The following C16orf87 variants were observed in gnomAD, a reference collection of about 807,000 sequenced individuals.
C16orf87 encodes the protein UPF0547 protein C16orf87.
C16orf87 carries 13 observed loss-of-function variants against 21.0 expected under a neutral mutation model. That is an observed-to-expected ratio of 0.62 (90% CI 0.40 to 0.98). C16orf87 has a LOEUF of 0.98. Among genes scored for constraint, C16orf87 ranks in the 50% least tolerant of loss-of-function variants. The probability of loss-of-function intolerance (pLI) is 0.00; values close to 1 mark genes in which losing one functional copy is unlikely to be tolerated. For synonymous variants in C16orf87, 49 were observed against 60.2 expected, an observed-to-expected ratio of 0.81 and a Z score of 0.86; for missense variants, 113 against 180.4, an observed-to-expected ratio of 0.63 and a Z score of 2.14.
chr16:46,824,482 C>A lies in C16orf87; in HGVS notation c.67G>T (p.Val23Phe). The change falls in exon 2 of 4, where the codon GTT becomes TTT. Residue 23 changes from valine to phenylalanine, a missense_variant and splice_region_variant. Val to Phe is a conservative substitution (Grantham distance 50). Transcript: ENST00000285697. ...TKSCPECDQQVPVACKSCPCG... is the reference protein window; with the variant it reads ...TKSCPECDQQFPVACKSCPCG... Reference sequence around the variant, plus strand: ...GGACATGATTTACATGCAACAGGAACCTGTAGGAAAAAAAGAAAAATATAT... The same window carrying A: ...GGACATGATTTACATGCAACAGGAAACTGTAGGAAAAAAAGAAAAATATAT... 2 of 1,473,272 alleles carry A rather than the reference C, an allele frequency of 1.4e-6. No homozygotes were observed. The highest frequency in any genetic ancestry group is 2.1e-5 in the Admixed American group (1 of 47,848). 91.3% of individuals were successfully genotyped at this position (1,473,272 alleles called of 1,614,324 possible). A position where few individuals can be genotyped will look rare whatever the true frequency, so the allele number is the denominator to read the frequency against.
intron 3 of C16orf87, among the ~76,000 whole-genome samples, chr16:46,805,598 G>A (rs1967908575): frequency 6.6e-6 from 1 of 151,936 alleles, no homozygotes. Context: ...CTGTTGATTT[G>A]GTCTTAGCCT....
chr16:46,806,450 G>A (rs951248776), intron 3 of C16orf87, among the ~76,000 whole-genome samples: 10 of 151,754 alleles, frequency 6.6e-5, no homozygotes, highest in African/African-American at 2.4e-5. Context: ...TAGTAGAGAC[G>A]GGGTTTCACC....
At chr16:46,814,076 A>G (rs1001705620) in intron 2 of C16orf87, among the ~76,000 whole-genome samples, 3 of 152,230 alleles carry the variant, frequency 2.0e-5, no homozygotes, top group African/African-American at 7.2e-5. Flanking sequence ...AAAGGAAAAT[A>G]TATCTGTGGT....
chr16:46,803,219 AGT>A (rs1967828609), intron 3 of C16orf87, 149 bp from the exon 4 acceptor site: 1 of 428,894 alleles, frequency 2.3e-6, no homozygotes, highest in African/African-American at 2.0e-5. Context: ...TGAACTAAAA[AGT>A]TTTTTAAATT....
In C16orf87 at chr16:46,796,662, A is replaced by G. The variant is rs1243810446; in HGVS notation, c.*6290T>C. 1.3e-5 allele frequency: 2 copies of G among 152,224 alleles called. No individual in the cohort carries two copies. Among genetic ancestry groups the G allele is most frequent in the East Asian group, 3.8e-4 (2 of 5,204 alleles). 9.4% of individuals were successfully genotyped at this position (152,224 alleles called of 1,614,324 possible). ...ACAATGTGAACATACATATTGAAACATCATGCTGCATACAATATATGATTT... is the reference window on the plus strand; with the variant it reads ...ACAATGTGAACATACATATTGAAACGTCATGCTGCATACAATATATGATTT... On this transcript the variant is annotated 3_prime_UTR_variant, in exon 4 of 4. Transcript: ENST00000285697.
chr16:46,808,145 A>G (rs1967982264), intron 3 of C16orf87: 1 of 452,406 alleles, frequency 2.2e-6, no homozygotes, highest in South Asian at 1.6e-5. Context: ...CTATTGTTAA[A>G]GAAACATACA....
At chr16:46,816,897 T>G (rs1274028926) in intron 2 of C16orf87, among the ~76,000 whole-genome samples, 2 of 152,182 alleles carry the variant, frequency 1.3e-5, no homozygotes, top group African/African-American at 4.8e-5. Flanking sequence ...TCTTGAAATG[T>G]GTATAGGATG....
chr16:46,810,868 T>C (rs1012523740), intron 2 of C16orf87, among the ~76,000 whole-genome samples: 1 of 152,108 alleles, frequency 6.6e-6, no homozygotes, highest in Non-Finnish European at 1.5e-5. Context: ...ACAGGACAAT[T>C]TGAGCATCAA....
intron 1 of C16orf87, 121 bp downstream of exon 1, chr16:46,830,936 CCCGACCGGCCCCGGATCCCCGCCGCCG>C (rs1361057123): frequency 6.4e-6 from 3 of 467,036 alleles, no homozygotes; most frequent in Admixed American, 9.2e-5. Context: ...CTCGGTGCAG[CCCGACCGGCCCCGGATCCCCGCCGCCG>C]CCGGCGGGCC....
chr16:46,804,241 T>C (rs571971953), intron 3 of C16orf87, among the ~76,000 whole-genome samples: 3 of 152,334 alleles, frequency 2.0e-5, no homozygotes, highest in South Asian at 2.1e-4. Flanking sequence ...CAGTATGAAA[T>C]GATTGCTCTC....
At chr16:46,824,578 T>C (rs1457223720) in intron 1 of C16orf87, 96 bp from the exon 2 acceptor site, 7 of 516,682 alleles carry the variant, frequency 1.4e-5, no homozygotes, top group Non-Finnish European at 2.4e-5. Context: ...GATAAATTAC[T>C]TGAAGGAGGA....
rs1441704140 is a variant in C16orf87, at chr16:46,800,777, A to T, written c.*2175T>A. 1 of 152,212 alleles carries T rather than the reference A, an allele frequency of 6.6e-6. No individual in the cohort carries two copies. The highest frequency in any genetic ancestry group is 1.5e-5 in the Non-Finnish European group (1 of 68,038). The allele number at this position is 152,212 out of a possible 1,614,324, so 9.4% of individuals were successfully genotyped here. Reference sequence around the variant, plus strand: ...TTAAATTTTTTAGCTTTATAACAAGAAAGCTCATAGAGTACAATTTTTTGA... The same window carrying T: ...TTAAATTTTTTAGCTTTATAACAAGTAAGCTCATAGAGTACAATTTTTTGA... On this transcript the variant is annotated 3_prime_UTR_variant, in exon 4 of 4. Coordinates refer to ENST00000285697, the MANE Select transcript of C16orf87 (RefSeq NM_001001436.4).
At position 46,800,289 on chromosome 16, in the gene C16orf87, G is replaced by A. The variant is rs932429251; in HGVS notation, c.*2663C>T. ...TTCTCATCATAAACTGCTTCAAGCT[G>A]TTTGATCACTTCCACTGATTACTAC... On this transcript the variant is annotated 3_prime_UTR_variant, in exon 4 of 4. Transcript: ENST00000285697. 14 of 151,464 alleles carry A rather than the reference G, an allele frequency of 9.2e-5. No individual in the cohort carries two copies. The South Asian group carries it at 2.1e-3, about 23-fold the overall frequency. 9.4% of individuals were successfully genotyped at this position (151,464 alleles called of 1,614,324 possible).
chr16:46,812,138 G>C (rs1265762886), intron 2 of C16orf87, among the ~76,000 whole-genome samples: 1 of 152,110 alleles, frequency 6.6e-6, no homozygotes, highest in East Asian at 1.9e-4. Flanking sequence ...CAACTACTCA[G>C]GAGGCCAAGA....
chr16:46,813,880 C>A (rs746081522), intron 2 of C16orf87, among the ~76,000 whole-genome samples: 3 of 152,170 alleles, frequency 2.0e-5, no homozygotes, highest in South Asian at 2.1e-4. Context: ...ATGCTCAATG[C>A]GTCTCCTCCA....
intron 2 of C16orf87, among the ~76,000 whole-genome samples, chr16:46,821,768 C>A (rs1257528645): frequency 2.0e-5 from 3 of 152,164 alleles, no homozygotes; most frequent in Non-Finnish European, 4.4e-5. Context: ...GCGAGCTCAT[C>A]CATTTTCCAT....
intron 3 of C16orf87, among the ~76,000 whole-genome samples, chr16:46,806,494 C>T (rs1037781846): frequency 2.6e-5 from 4 of 151,948 alleles, no homozygotes; most frequent in Non-Finnish European, 5.9e-5. Context: ...CTCTTGACCT[C>T]ATGATCCACC....
rs1968078920 is a variant in C16orf87, at chr16:46,811,393, C to A, written c.164-1608G>T. On this transcript the variant is annotated intron_variant, in intron 2 of 3. Coordinates refer to ENST00000285697, the MANE Select transcript of C16orf87 (RefSeq NM_001001436.4). ...TGGCACGTGTCTGTAATCCCAGCTA[C>A]TTGGGAGGCTGAGACAGGAGAATCG... is the stretch of plus-strand genomic sequence containing the variant. Among the ~76,000 whole-genome samples, 4 of 151,876 alleles carry A rather than the reference C, an allele frequency of 2.6e-5. No homozygotes were observed. The South Asian group carries it at 8.3e-4, about 32-fold the overall frequency.
chr16:46,805,110 C>G (rs970193288), intron 3 of C16orf87, among the ~76,000 whole-genome samples: 3 of 152,084 alleles, frequency 2.0e-5, no homozygotes, highest in Admixed American at 6.6e-5. Flanking sequence ...AATTTGTAGG[C>G]CCTTTTAACA....
Sources: allele counts gnomAD v4.1 joint callset (sites outside exome capture counted in the v4.1 genomes callset), GRCh38; gene constraint gnomAD v4.1.1; transcripts MANE v1.5; gene names NCBI Gene and HGNC (gene_info 2026-07-23, HGNC 2026-07-21).